Variants in MIPEP observed in about 807,000 individuals in gnomAD.
The protein encoded by MIPEP is mitochondrial intermediate peptidase.
MIPEP carries 79 observed loss-of-function variants against 90.3 expected under a neutral mutation model. That is an observed-to-expected ratio of 0.87 (90% confidence interval 0.73 to 1.05). The LOEUF (loss-of-function observed/expected upper bound fraction) is 1.05. MIPEP is among the 50% of genes least tolerant of loss of function. MIPEP has a pLI of 0.00. For synonymous variants in MIPEP, 334 were observed against 315.8 expected (o/e 1.06, Z -0.61); for missense variants, 940 against 905.6 (o/e 1.04, Z -0.49).
At chr13:23,811,920 TGTTTTC>T (rs1953175584) in intron 14 of MIPEP, among the ~76,000 whole-genome samples, 1 of 152,102 alleles carries the variant, frequency 6.6e-6, no homozygotes, top group South Asian at 2.1e-4. Context: ...AAACGCCTTC[TGTTTTC>T]CACTTAGCTG....
At chr13:23,855,650 C>G (rs957667936) in intron 10 of MIPEP, among the ~76,000 whole-genome samples, 3 of 152,162 alleles carry the variant, frequency 2.0e-5, no homozygotes, top group African/African-American at 7.2e-5. Context: ...CTCCTCTTGT[C>G]AATCAAGATT....
intron 10 of MIPEP, among the ~76,000 whole-genome samples, chr13:23,844,722 A>G (rs898992777): frequency 5.9e-5 from 9 of 152,212 alleles, no homozygotes; most frequent in Non-Finnish European, 1.2e-4. Flanking sequence ...AGCTAGTAAC[A>G]CAGCTTATTT....
intron 18 of MIPEP, among the ~76,000 whole-genome samples, chr13:23,730,937 C>T (rs932201614): frequency 1.3e-5 from 2 of 152,126 alleles, no homozygotes; most frequent in Non-Finnish European, 2.9e-5. Flanking sequence ...CAGAGAACTC[C>T]TAGCTTTGCA....
chr13:23,888,233 A>G lies in MIPEP; in HGVS notation c.189+899T>C, dbSNP rs1341400965. 10 of 318,616 alleles carry G rather than the reference A, an allele frequency of 3.1e-5. No homozygotes were observed. The Admixed American group carries it at 4.5e-4, about 14-fold the overall frequency. The allele number at this position is 318,616 out of a possible 1,614,324, so 19.7% of individuals were successfully genotyped here. On this transcript the variant is annotated intron_variant, in intron 1 of 18. Transcript: ENST00000382172. ...CACCAACTATGTTAATACCAACACT[A>G]CATACCCTTAAGGAAGGTGGTGTAG...
chr13:23,731,388 A>G (rs932191779), intron 18 of MIPEP, among the ~76,000 whole-genome samples: 1 of 152,218 alleles, frequency 6.6e-6, no homozygotes, highest in African/African-American at 2.4e-5. Context: ...ACAGGTGGGC[A>G]GGCTCAGTCA....
chr13:23,861,571 C>T (rs971191096), intron 9 of MIPEP, among the ~76,000 whole-genome samples: 1 of 152,130 alleles, frequency 6.6e-6, no homozygotes, highest in African/African-American at 2.4e-5. Flanking sequence ...TCTGCAAGGC[C>T]CATTTCCCTA....
Position 23,886,464 on chromosome 13 carries a change from G to A in MIPEP, c.232C>T (p.His78Tyr), listed in dbSNP as rs867911916. The change falls in exon 2 of 19, where the codon CAT (histidine) becomes TAT (tyrosine). Residue 78 changes from histidine to tyrosine, a missense_variant. His to Tyr is a moderately conservative substitution (Grantham distance 83). Transcript: ENST00000382172. The stretch of plus-strand genomic sequence containing the variant: ...CTCAAGGCTTTTTCTTGTGCAATAT[G>A]AAATCCTTCTGGGGCACTCAGCTCA... Reference protein sequence around the residue: ...VPELSAPEGFHIAQEKALRKT... With the variant: ...VPELSAPEGFYIAQEKALRKT... 6.2e-7 allele frequency: 1 copy of A among 1,602,748 alleles called. No individual in the cohort carries two copies. The highest frequency in any genetic ancestry group is 8.5e-7 in the Non-Finnish European group (1 of 1,174,080).
At chr13:23,806,712 A>ATC (rs1953112117) in intron 15 of MIPEP, among the ~76,000 whole-genome samples, 2 of 131,438 alleles carry the variant, frequency 1.5e-5, no homozygotes, top group Admixed American at 7.8e-5. Flanking sequence ...CAACAAAAAA[A>ATC]TCTATATCTA....
intron 14 of MIPEP, among the ~76,000 whole-genome samples, chr13:23,813,910 A>G (rs1389566068): frequency 3.3e-5 from 5 of 152,226 alleles, no homozygotes; most frequent in South Asian, 2.1e-4. Flanking sequence ...ATTGTCTCCT[A>G]AACACAAGAC....
intron 18 of MIPEP, among the ~76,000 whole-genome samples, chr13:23,731,871 T>A (rs1165902082): frequency 6.6e-6 from 1 of 150,760 alleles, no homozygotes; most frequent in Non-Finnish European, 1.5e-5. Flanking sequence ...GTAACACAAC[T>A]AATAGGCACT....
chr13:23,820,937 T>C (rs934716105), intron 14 of MIPEP, among the ~76,000 whole-genome samples: 2 of 152,218 alleles, frequency 1.3e-5, no homozygotes, highest in Non-Finnish European at 2.9e-5. Context: ...TTCTGATTTC[T>C]CTGCTCCAAA....
intron 15 of MIPEP, among the ~76,000 whole-genome samples, chr13:23,809,365 A>G (rs1257116892): frequency 7.4e-6 from 1 of 135,698 alleles, no homozygotes; most frequent in African/African-American, 2.8e-5. Flanking sequence ...TTTTTTTTTG[A>G]GACAGAGTCT....
intron 18 of MIPEP, among the ~76,000 whole-genome samples, chr13:23,750,030 AC>A (rs1404480792): frequency 6.6e-6 from 1 of 152,014 alleles, no homozygotes; most frequent in Non-Finnish European, 1.5e-5. Flanking sequence ...TGTGGACCAA[AC>A]CATGAGCAGT....
At chr13:23,742,926 T>C (rs1952346821) in intron 18 of MIPEP, among the ~76,000 whole-genome samples, 3 of 152,228 alleles carry the variant, frequency 2.0e-5, no homozygotes, top group Admixed American at 6.5e-5. Flanking sequence ...CTTGGAACTA[T>C]ACATTTAAAA....
At chr13:23,807,942 G>A (rs1410122396) in intron 15 of MIPEP, among the ~76,000 whole-genome samples, 1 of 152,122 alleles carries the variant, frequency 6.6e-6, no homozygotes, top group Non-Finnish European at 1.5e-5. Flanking sequence ...ATGCTTATTT[G>A]CTGATAAACT....
At chr13:23,783,616 G>A (rs1345972764) in intron 16 of MIPEP, among the ~76,000 whole-genome samples, 1 of 152,190 alleles carries the variant, frequency 6.6e-6, no homozygotes, top group Non-Finnish European at 1.5e-5. Context: ...TCAGGCAAGA[G>A]AAAGAAATAA....
chr13:23,807,978 T>C (rs9553072), intron 15 of MIPEP, among the ~76,000 whole-genome samples: 28,912 of 152,190 alleles, frequency 0.19, 3,213 homozygotes, highest in Non-Finnish European at 0.25. Context: ...CATGAGCCTA[T>C]CTGCCTACCC....
At chr13:23,764,502 T>C (rs1184178156) in intron 16 of MIPEP, among the ~76,000 whole-genome samples, 1 of 152,232 alleles carries the variant, frequency 6.6e-6, no homozygotes, top group Non-Finnish European at 1.5e-5. Context: ...GAGCAAGCAC[T>C]CAGTAACTGT....
chr13:23,885,486 G>C (rs894811001), intron 2 of MIPEP, among the ~76,000 whole-genome samples: 2 of 151,916 alleles, frequency 1.3e-5, no homozygotes, highest in Non-Finnish European at 2.9e-5. Flanking sequence ...ATGCTTGAGG[G>C]GATGGATACC....
Sources: gnomAD v4.1 joint callset for allele counts (sites outside exome capture counted in the v4.1 genomes callset) on GRCh38, gnomAD v4.1.1 for gene constraint, MANE v1.5 for transcripts, NCBI Gene and HGNC (gene_info 2026-07-23, HGNC 2026-07-21) for gene names.